Variants in FBLN2 observed in about 807,000 individuals in gnomAD.
FBLN2 encodes the protein fibulin-2.
In FBLN2, 81 loss-of-function variants were observed where a neutral mutation model predicts 123.7. The ratio of observed to expected loss-of-function variants is 0.65; its 90% CI spans 0.55 to 0.79. FBLN2 has a LOEUF of 0.79. FBLN2 is among the 30% of genes least tolerant of loss of function. The probability of loss-of-function intolerance (pLI) is 0.00; values close to 1 mark genes in which losing one functional copy is unlikely to be tolerated. For missense variants in FBLN2, 1,603 were observed against 1,681.3 expected, an observed-to-expected ratio of 0.95 and a Z score of 0.81; for synonymous variants, 699 against 701.4, an observed-to-expected ratio of 1.00 and a Z score of 0.05.
At chr3:13,609,419 T>A (rs1705314427) in intron 3 of FBLN2, 94 bp from the exon 4 acceptor site, 1 of 1,400,404 alleles carries the variant, frequency 7.1e-7, no homozygotes, top group African/African-American at 1.5e-5. Context: ...GCTGTGGACC[T>A]TGGGCAGAGC....
chr3:13,638,338 A>AGTACAT lies in FBLN2; in HGVS notation c.*426_*431dup, dbSNP rs1575007852. ...AAAGTTTTTTGTTTAACTATAAAGT[A>AGTACAT]GTACATGTACATTATATAAAAAAAA... On this transcript the variant is annotated 3_prime_UTR_variant, in exon 18 of 18. Coordinates refer to ENST00000404922, the MANE Select transcript of FBLN2 (RefSeq NM_001004019.2). 7.6e-6 allele frequency: 3 copies of AGTACAT among 394,478 alleles called. No homozygotes were observed. In the East Asian group the frequency reaches 2.5e-4, roughly 32 times the overall value. The allele number at this position is 394,478 out of a possible 1,614,324, so 24.4% of individuals were successfully genotyped here.
chr3:13,571,140 C>T lies in FBLN2; in HGVS notation c.785C>T (p.Pro262Leu), dbSNP rs867937858. ...CCCACAGCGGCTGCTGCCCTGGGTC[C>T]CCCAGCCCCAGTGCAGGCCAAAGCT... ...PRPTAAAALG[P>L]PAPVQAKARR... is the part of the protein sequence containing the mutation. The change falls in exon 2 of 18, where the codon CCC (proline) becomes CTC (leucine). Residue 262 changes from proline to leucine, a missense_variant. By Grantham distance (98) the Pro-to-Leu change is moderately conservative (BLOSUM62 -3). Coordinates refer to ENST00000404922, the MANE Select transcript of FBLN2 (RefSeq NM_001004019.2). 1.3e-6 allele frequency: 2 copies of T among 1,554,432 alleles called. No homozygotes were observed. Among genetic ancestry groups the T allele is most frequent in the South Asian group, 1.2e-5 (1 of 84,318 alleles).
intron 1 of FBLN2, among the ~76,000 whole-genome samples, chr3:13,565,511 A>G (rs1169796109): frequency 6.6e-6 from 1 of 152,260 alleles, no homozygotes; most frequent in Non-Finnish European, 1.5e-5. Context: ...TTGTGATCCC[A>G]GCACTTTGGG....
At chr3:13,614,585 TCCATCCATCCATCCATCCATCCAC>T (rs142442541) in intron 5 of FBLN2, among the ~76,000 whole-genome samples, 22,029 of 150,600 alleles carry the variant, frequency 0.15, 2,087 homozygotes, top group African/African-American at 0.26. Flanking sequence ...TGTCCATCCA[TCCATCCATCCATCCATCCATCCAC>T]CCATCCACCC....
intron 13 of FBLN2, 106 bp downstream of exon 13, chr3:13,629,398 C>T: frequency 7.2e-7 from 1 of 1,394,074 alleles, no homozygotes; most frequent in Non-Finnish European, 9.6e-7. Flanking sequence ...TGAGTGGGGC[C>T]CACCTGCTGG....
Position 13,631,391 on chromosome 3 carries a change from G to T in FBLN2, c.3148G>T (p.Gly1050Trp). The stretch of plus-strand genomic sequence containing the variant: ...CACCTTCCGCTGTCTCAACGTGCCA[G>T]GGAGCTACCAGTGTGCATGCCCTGA... ...LCTFRCLNVP[G>W]SYQCACPEQG... The change falls in exon 16 of 18, where the codon GGG becomes TGG. Residue 1050 changes from glycine (G) to tryptophan (W), a missense_variant. Physicochemically the swap from Gly to Trp is radical, Grantham distance 184. Transcript: ENST00000404922. 6.2e-7 allele frequency: 1 copy of T among 1,602,166 alleles called. No homozygotes were observed. Among genetic ancestry groups the T allele is most frequent in the African/African-American group, 1.3e-5 (1 of 74,784 alleles).
At chr3:13,594,289 G>A (rs1465704788) in intron 2 of FBLN2, among the ~76,000 whole-genome samples, 2 of 152,170 alleles carry the variant, frequency 1.3e-5, no homozygotes, top group Admixed American at 1.3e-4. Flanking sequence ...CGGGCTTGAT[G>A]GGCTGGGGGT....
At chr3:13,576,835 A>G (rs1482862273) in intron 2 of FBLN2, among the ~76,000 whole-genome samples, 1 of 151,942 alleles carries the variant, frequency 6.6e-6, no homozygotes, top group Non-Finnish European at 1.5e-5. Context: ...TATGGTCCCC[A>G]CCCTCACCTC....
chr3:13,605,041 A>G (rs1705157939), intron 2 of FBLN2, among the ~76,000 whole-genome samples: 1 of 152,190 alleles, frequency 6.6e-6, no homozygotes, highest in Non-Finnish European at 1.5e-5. Flanking sequence ...AAGGACACTG[A>G]GTCTGGAGGG....
rs555107268 is a variant in FBLN2 at position 13,625,199 on chromosome 3, G to A, written c.2297-1246G>A. Among the ~76,000 whole-genome samples the A allele has an allele frequency of 3.3e-4, 48 of 144,212 alleles. No individual in the cohort carries two copies. In the South Asian group the frequency reaches 3.8e-3, roughly 12 times the overall value. The allele number at this position is 144,212 out of a possible 152,430, so 94.6% of individuals were successfully genotyped here. ...TCTGAGTTGGTGGCCTCTGTGGCCC[G>A]GGGGTGGTTTCTGAGTTGGTGGCCT... is the stretch of plus-strand genomic sequence containing the variant. On this transcript the variant is annotated intron_variant, in intron 9 of 17. Transcript: ENST00000404922.
At chr3:13,554,452 G>A (rs1448719025) in intron 1 of FBLN2, among the ~76,000 whole-genome samples, 1 of 152,216 alleles carries the variant, frequency 6.6e-6, no homozygotes, top group Non-Finnish European at 1.5e-5. Context: ...GTTCTTCTTA[G>A]AGTCTCCTCA....
chr3:13,566,660 A>G (rs1703756234), intron 1 of FBLN2: 1 of 152,154 alleles, frequency 6.6e-6, no homozygotes, highest in Non-Finnish European at 1.5e-5. Flanking sequence ...GCACCAGGAT[A>G]CTCTGAGCTG....
intron 9 of FBLN2, among the ~76,000 whole-genome samples, chr3:13,625,575 C>T (rs1372092037): frequency 6.6e-6 from 1 of 152,050 alleles, no homozygotes; most frequent in Non-Finnish European, 1.5e-5. Flanking sequence ...CCGGCCCTCA[C>T]TGCCACCTGT....
At chr3:13,556,643 G>A (rs893214278) in intron 1 of FBLN2, among the ~76,000 whole-genome samples, 1 of 152,240 alleles carries the variant, frequency 6.6e-6, no homozygotes, top group African/African-American at 2.4e-5. Context: ...TGGTGGGGAG[G>A]CCATGGCTTC....
chr3:13,633,984 C>CACACACACACACACAA (rs1257415323), intron 16 of FBLN2, among the ~76,000 whole-genome samples: 1 of 151,606 alleles, frequency 6.6e-6, no homozygotes, highest in Non-Finnish European at 1.5e-5. Flanking sequence ...CACACACACA[C>CACACACACACACACAA]ACACACACAC....
chr3:13,592,462 A>T (rs1002923155), intron 2 of FBLN2, among the ~76,000 whole-genome samples: 22 of 152,170 alleles, frequency 1.4e-4, no homozygotes, highest in Admixed American at 1.4e-3. Context: ...CTTTTTCAAG[A>T]TTGTTTCAGC....
intron 1 of FBLN2, among the ~76,000 whole-genome samples, chr3:13,550,366 C>G (rs1416111164): frequency 6.6e-6 from 1 of 152,246 alleles, no homozygotes; most frequent in Non-Finnish European, 1.5e-5. Context: ...GGGTGCCCTC[C>G]CTCCCTTTTT....
intron 1 of FBLN2, among the ~76,000 whole-genome samples, chr3:13,552,092 C>G (rs1161409048): frequency 1.3e-5 from 2 of 152,070 alleles, no homozygotes; most frequent in Non-Finnish European, 2.9e-5. Flanking sequence ...TCACTCACAG[C>G]AGGTGCAGGT....
intron 5 of FBLN2, among the ~76,000 whole-genome samples, chr3:13,614,932 CCATCCAT>C (rs1372376977): frequency 2.2e-4 from 34 of 151,148 alleles, no homozygotes; most frequent in African/African-American, 7.6e-4. Context: ...ATCCATCCAT[CCATCCAT>C]CCACCCACCC....
Sources: allele counts gnomAD v4.1 joint callset (sites outside exome capture counted in the v4.1 genomes callset), GRCh38; gene constraint gnomAD v4.1.1; transcripts MANE v1.5; gene names NCBI Gene and HGNC (gene_info 2026-07-23, HGNC 2026-07-21).